The following FAM149A variants were observed in gnomAD, a reference collection of about 807,000 sequenced individuals.
FAM149A encodes family with sequence similarity 149 member A.
Under a neutral mutation model 78.2 loss-of-function variants are expected in FAM149A, and 71 were observed. The ratio of observed to expected loss-of-function variants is 0.91; its 90% CI spans 0.75 to 1.11. The LOEUF is 1.11. FAM149A is among the 50% of genes least tolerant of loss of function. The pLI, the probability that FAM149A is intolerant of heterozygous loss-of-function variation, is 0.00. For missense variants in FAM149A, 1,036 were observed against 971.0 expected, an observed-to-expected ratio of 1.07 and a Z score of -0.89; for synonymous variants, 446 against 410.5, an observed-to-expected ratio of 1.09 and a Z score of -1.04.
In FAM149A at chr4:186,144,787, G is replaced by C. The variant is rs1732860301; in HGVS notation, c.567-4386G>C. 3.1e-6 allele frequency: 3 copies of C among 979,268 alleles called. No homozygotes were observed. Among genetic ancestry groups the C allele is most frequent in the Non-Finnish European group, 2.4e-6 (2 of 824,628 alleles). The allele number at this position is 979,268 out of a possible 1,614,324, so 60.7% of individuals were successfully genotyped here. On this transcript the variant is annotated intron_variant, in intron 1 of 13. Coordinates refer to ENST00000389354, the MANE Select transcript of FAM149A (RefSeq NM_001367768.3). This position sits in a 1 kb window ranked among gnomAD's most constrained non-coding sequence, Gnocchi z 4.2. ...GCGGGCGCAGCCGGGATTAGCTGGC[G>C]GGCGAGGGCGCAGCGCAGGGAGGAG...
chr4:186,167,520 A>C (rs1331833501), intron 13 of FAM149A: 1 of 511,798 alleles, frequency 2.0e-6, no homozygotes, highest in African/African-American at 1.9e-5. Flanking sequence ...TCAAAAAAAA[A>C]AAAAAAAAAA....
chr4:186,169,562 A>G (rs566669976), intron 13 of FAM149A: 2 of 985,412 alleles, frequency 2.0e-6, no homozygotes, highest in South Asian at 9.4e-5. Context: ...CGCTGCTCAC[A>G]CAGGGAGTCG....
At chr4:186,171,857 TGA>T in intron 13 of FAM149A, 55 bp from the exon 14 acceptor site, 1 of 1,455,352 alleles carries the variant, frequency 6.9e-7, no homozygotes, top group Non-Finnish European at 9.4e-7. Flanking sequence ...ACAATCGTTC[TGA>T]GTGGGTGCCT....
In FAM149A at chr4:186,144,745, G is replaced by T; in HGVS notation, c.567-4428G>T. 1.0e-5 allele frequency: 9 copies of T among 884,194 alleles called. No homozygotes were observed. Among genetic ancestry groups the T allele is most frequent in the Non-Finnish European group, 1.2e-5 (9 of 740,480 alleles). 54.8% of individuals were successfully genotyped at this position (884,194 alleles called of 1,614,324 possible). ...GCGCGGGGCCGGGGCCGGGGCCGGG[G>T]CCCGGAGCGGGGATGGGCGGGCGCA... On this transcript the variant is annotated intron_variant, in intron 1 of 13. Coordinates refer to ENST00000389354, the MANE Select transcript of FAM149A (RefSeq NM_001367768.3). This position sits in a 1 kb window ranked among gnomAD's most constrained non-coding sequence, Gnocchi z 4.2.
At chr4:186,109,009 G>T (rs1290593764) in intron 1 of FAM149A, 2 of 159,158 alleles carry the variant, frequency 1.3e-5, no homozygotes, top group Non-Finnish European at 2.7e-5. Flanking sequence ...CACCACGCCC[G>T]GCTAATTTTT....
chr4:186,106,305 C>T (rs2099308731), intron 1 of FAM149A, among the ~76,000 whole-genome samples: 1 of 152,164 alleles, frequency 6.6e-6, no homozygotes, highest in South Asian at 2.1e-4. Context: ...ATTCCCTCAA[C>T]ACACACACAC....
intron 1 of FAM149A, chr4:186,124,211 G>A (rs1339845006): frequency 1.0e-6 from 1 of 985,264 alleles, no homozygotes; most frequent in African/African-American, 1.7e-5. Flanking sequence ...GAGGCAGAGG[G>A]TGGGTTGGCT....
chr4:186,145,199 C>G (rs1415306136), intron 1 of FAM149A: 1 of 961,122 alleles, frequency 1.0e-6, no homozygotes, highest in South Asian at 4.8e-5. Context: ...CCGGCTGCGT[C>G]TGGCCCGGGC....
intron 1 of FAM149A, chr4:186,123,542 G>A (rs766635470): frequency 1.9e-5 from 5 of 262,664 alleles, no homozygotes; most frequent in Non-Finnish European, 2.4e-5. Context: ...GAAAGAGCAC[G>A]TGAGCCACTG....
chr4:186,130,095 G>GT (rs927688118), intron 1 of FAM149A: 2 of 151,986 alleles, frequency 1.3e-5, no homozygotes, highest in African/African-American at 4.8e-5. Context: ...AGAAAAAAGT[G>GT]TTTTTTGCCA....
intron 5 of FAM149A, among the ~76,000 whole-genome samples, chr4:186,153,999 T>A (rs1252765809): frequency 6.6e-6 from 1 of 152,206 alleles, no homozygotes; most frequent in Non-Finnish European, 1.5e-5. Flanking sequence ...GGAACACACA[T>A]GCACACACAT....
At chr4:186,150,365 G>T (rs13127515) in intron 3 of FAM149A, among the ~76,000 whole-genome samples, 102,448 of 139,622 alleles carry the variant, frequency 0.73, 37,900 homozygotes, top group Non-Finnish European at 0.81. Context: ...GTGTTTTGTT[G>T]TTGTTGTTGT....
chr4:186,109,185 C>T, intron 1 of FAM149A: 2 of 985,290 alleles, frequency 2.0e-6, no homozygotes, highest in Non-Finnish European at 2.4e-6. Flanking sequence ...TGTAAGAATT[C>T]CTAGCAATAC....
chr4:186,128,297 G>GT (rs1172925323), intron 1 of FAM149A, among the ~76,000 whole-genome samples: 1 of 151,940 alleles, frequency 6.6e-6, no homozygotes, highest in South Asian at 2.1e-4. Flanking sequence ...CCAATATTCT[G>GT]TTTTTTAATG....
chr4:186,173,071 A>G lies in FAM149A; in HGVS notation c.*1084A>G, dbSNP rs1274686070. Among the ~76,000 whole-genome samples, 2 of 112,324 alleles carry G rather than the reference A, an allele frequency of 1.8e-5. 1 individual carries two copies. Among genetic ancestry groups the G allele is most frequent in the Non-Finnish European group, 4.5e-5 (2 of 44,512 alleles). 73.7% of individuals were successfully genotyped at this position (112,324 alleles called of 152,430 possible). On this transcript the variant is annotated 3_prime_UTR_variant, in exon 14 of 14. Transcript: ENST00000389354. Reference sequence around the variant, plus strand: ...CATCAGTCTAATTTTTACTAATCCAAACTGTAACTTTATAAGGCTATATAT... The same window carrying G: ...CATCAGTCTAATTTTTACTAATCCAGACTGTAACTTTATAAGGCTATATAT...
intron 1 of FAM149A, among the ~76,000 whole-genome samples, chr4:186,107,241 G>A (rs1240891721): frequency 6.6e-6 from 1 of 152,172 alleles, no homozygotes; most frequent in Non-Finnish European, 1.5e-5. Flanking sequence ...TATGCAGCAT[G>A]GCCAGTGAAA....
At chr4:186,146,420 C>T (rs1733045051) in intron 1 of FAM149A, 1 of 982,222 alleles carries the variant, frequency 1.0e-6, no homozygotes, top group Non-Finnish European at 1.2e-6. Context: ...GCTCTGCGTC[C>T]AAGACAGTGG....
chr4:186,110,074 A>G (rs2150077564), intron 1 of FAM149A: 3 of 985,392 alleles, frequency 3.0e-6, no homozygotes, highest in East Asian at 1.1e-4. Context: ...TTCACATCTT[A>G]TGTCCATTAT....
At chr4:186,154,854 A>T in intron 6 of FAM149A, 1 of 985,366 alleles carries the variant, frequency 1.0e-6, no homozygotes, top group African/African-American at 1.7e-5. Context: ...CCCTTGTAAA[A>T]GCAGACAAGG....
Sources: allele counts gnomAD v4.1 joint callset (sites outside exome capture counted in the v4.1 genomes callset), GRCh38; gene constraint gnomAD v4.1.1; non-coding constraint Gnocchi (gnomAD v3.1); transcripts MANE v1.5; gene names NCBI Gene and HGNC (gene_info 2026-07-23, HGNC 2026-07-21).